CD34: variants seen among roughly 807,000 people sequenced by gnomAD.
CD34 encodes the protein CD34 molecule, also known as hematopoietic progenitor cell antigen CD34.
In CD34, 34 loss-of-function variants were observed where a neutral mutation model predicts 40.1. The ratio of observed to expected loss-of-function variants is 0.85; its 90% CI spans 0.65 to 1.13. The LOEUF (loss-of-function observed/expected upper bound fraction) is 1.13. CD34 is among the 50% of genes most tolerant of loss of function. The pLI is 0.00. For missense variants in CD34, 426 were observed against 466.9 expected, an observed-to-expected ratio of 0.91 and a Z score of 0.81; for synonymous variants, 209 against 190.0, an observed-to-expected ratio of 1.10 and a Z score of -0.82.
chr1:207,889,503 C>G lies in CD34; in HGVS notation c.716G>C (p.Arg239Thr). ...CSLLLAQSEV[R>T]PQCLLLVLAN... ...CAAGACCAGCAGTAGACACTGAGGC[C>G]TCACCTCAGACTGGGCAAGGAGCAG... Residue 239 changes from arginine (R) to threonine (T), a missense_variant, in exon 5 of 8, where the codon AGG becomes ACG. Arg to Thr is a moderately conservative substitution (Grantham distance 71). Coordinates refer to ENST00000310833, the MANE Select transcript of CD34 (RefSeq NM_001025109.2). 6.2e-7 allele frequency: 1 copy of G among 1,614,030 alleles called. No homozygotes were observed. The highest frequency in any genetic ancestry group is 8.5e-7 in the Non-Finnish European group (1 of 1,179,948).
intron 4 of CD34, among the ~76,000 whole-genome samples, chr1:207,896,734 T>G (rs1397301145): frequency 6.6e-6 from 1 of 152,026 alleles, no homozygotes; most frequent in Non-Finnish European, 1.5e-5. Context: ...TAAAGCATTT[T>G]TTTTGCATTT....
At chr1:207,907,618 G>C (rs1051087740) in intron 1 of CD34, among the ~76,000 whole-genome samples, 21 of 152,268 alleles carry the variant, frequency 1.4e-4, no homozygotes, top group African/African-American at 4.6e-4. Flanking sequence ...GCATCTGAAG[G>C]GAAGTAACTC....
Position 207,897,557 on chromosome 1 carries a change from G to A in CD34, c.533C>T (p.Ser178Leu). 6.4e-7 allele frequency: 1 copy of A among 1,555,514 alleles called. No homozygotes were observed. The highest frequency in any genetic ancestry group is 1.2e-5 in the South Asian group (1 of 84,352). Residue 178 changes from serine (S) to leucine (L), a missense_variant, in exon 4 of 8, where the codon TCA becomes TTA. By Grantham distance (145) the Ser-to-Leu change is moderately radical. Coordinates refer to ENST00000310833, the MANE Select transcript of CD34 (RefSeq NM_001025109.2). The stretch of plus-strand genomic sequence containing the variant: ...AGTCAATTTCACTTCTCTGATGCCT[G>A]AACATTTGATTTCTGCCTGTATTAA... ...LSDIKAEIKC[S>L]GIREVKLTQG... is the part of the protein sequence containing the mutation.
intron 1 of CD34, 81 bp downstream of exon 1, chr1:207,910,921 G>T: frequency 7.3e-7 from 1 of 1,361,588 alleles, no homozygotes; most frequent in Non-Finnish European, 1.0e-6. Context: ...GTGAGACTCT[G>T]CTCTGCTGTT....
chr1:207,899,349 T>A, intron 2 of CD34, 123 bp from the exon 3 acceptor site: 1 of 1,030,512 alleles, frequency 9.7e-7, no homozygotes, highest in South Asian at 1.5e-5. Flanking sequence ...TAACAGTTAC[T>A]TCGTGTCCCA....
At chr1:207,889,958 T>C (rs1661998315) in intron 4 of CD34, 5 of 1,464,734 alleles carry the variant, frequency 3.4e-6, no homozygotes, top group African/African-American at 1.5e-5. Flanking sequence ...AAAATATTAA[T>C]AATGCAATAA....
intron 7 of CD34, 195 bp from the exon 8 acceptor site, chr1:207,888,118 C>T (rs1432949635): frequency 6.2e-7 from 1 of 1,613,938 alleles, no homozygotes; most frequent in South Asian, 1.1e-5. Flanking sequence ...GGTTCCAGCT[C>T]CTAGAGGAGA....
rs974953892 is a variant in CD34, at chr1:207,889,988, T to C, written c.598-367A>G. ...CAATAATAACTAAGAGAAAATATTC[T>C]GTTTCAAGATTACAGCAGTCCCCAA... On this transcript the variant is annotated intron_variant, in intron 4 of 7. Coordinates refer to ENST00000310833, the MANE Select transcript of CD34 (RefSeq NM_001025109.2). 10 of 1,432,112 alleles carry C rather than the reference T, an allele frequency of 7.0e-6. No individual in the cohort carries two copies. In the African/African-American group the frequency reaches 1.5e-4, roughly 21 times the overall value. The allele number at this position is 1,432,112 out of a possible 1,614,324, so 88.7% of individuals were successfully genotyped here.
chr1:207,905,246 C>G (rs1467687646), intron 1 of CD34, among the ~76,000 whole-genome samples: 1 of 152,236 alleles, frequency 6.6e-6, no homozygotes, highest in Non-Finnish European at 1.5e-5. Context: ...AGACATTCTC[C>G]TGCCTCAGCC....
chr1:207,893,175 C>T (rs1235722102), intron 4 of CD34, among the ~76,000 whole-genome samples: 2 of 152,192 alleles, frequency 1.3e-5, no homozygotes, highest in African/African-American at 4.8e-5. Context: ...ACTACATCAG[C>T]TCACACATGT....
Position 207,883,301 on chromosome 1 carries a change from A to C in CD34, c.*4437T>G, listed in dbSNP as rs1342845759. The C allele has an allele frequency of 6.6e-6, 1 of 152,202 alleles. No individual in the cohort carries two copies. Among genetic ancestry groups the C allele is most frequent in the African/African-American group, 2.4e-5 (1 of 41,438 alleles). 9.4% of individuals were successfully genotyped at this position (152,202 alleles called of 1,614,324 possible). ...TCAAATGTCCTTACTCATTACTATC[A>C]TCAAAATCGTATTCATTTTTACAGG... On this transcript the variant is annotated 3_prime_UTR_variant, in exon 8 of 8. Transcript: ENST00000310833.
intron 1 of CD34, among the ~76,000 whole-genome samples, chr1:207,902,461 A>G (rs59315117): frequency 6.6e-6 from 1 of 152,138 alleles, no homozygotes; most frequent in Admixed American, 6.5e-5. Context: ...TCCTGTTTAG[A>G]TGGGACCCTC....
chr1:207,900,661 T>G (rs906336230), intron 1 of CD34, among the ~76,000 whole-genome samples: 1 of 152,178 alleles, frequency 6.6e-6, no homozygotes, highest in East Asian at 1.9e-4. Context: ...CGCCTTTCCT[T>G]TTCTTCTTTT....
At chr1:207,907,127 G>C (rs1197784292) in intron 1 of CD34, among the ~76,000 whole-genome samples, 2 of 152,126 alleles carry the variant, frequency 1.3e-5, no homozygotes, top group Non-Finnish European at 2.9e-5. Context: ...TGTGTAGCCA[G>C]TATTTACTGA....
intron 1 of CD34, among the ~76,000 whole-genome samples, chr1:207,910,457 C>T (rs547595044): frequency 6.2e-4 from 95 of 152,254 alleles, no homozygotes; most frequent in African/African-American, 2.1e-3. Flanking sequence ...ACGGACTGTT[C>T]ATTCCGAACA....
chr1:207,902,756 A>T (rs1662298915), intron 1 of CD34, among the ~76,000 whole-genome samples: 1 of 152,132 alleles, frequency 6.6e-6, no homozygotes, highest in Admixed American at 6.5e-5. Context: ...AACACTTTTG[A>T]ACTTTTCCAG....
rs886472834 is a variant in CD34 at position 207,882,591 on chromosome 1, G to C, written c.*5147C>G. 2 of 152,168 alleles carry C rather than the reference G, an allele frequency of 1.3e-5. No homozygotes were observed. The highest frequency in any genetic ancestry group is 4.8e-5 in the African/African-American group (2 of 41,434). The allele number at this position is 152,168 out of a possible 1,614,324, so 9.4% of individuals were successfully genotyped here. A position where few individuals can be genotyped will look rare whatever the true frequency, so the allele number is the denominator to read the frequency against. Reference sequence around the variant, plus strand: ...ACAGCCATCATAAACATGCTTTAATGAGCAATTGCAGCATGCTTGAAACAA... The same window carrying C: ...ACAGCCATCATAAACATGCTTTAATCAGCAATTGCAGCATGCTTGAAACAA... On this transcript the variant is annotated 3_prime_UTR_variant, in exon 8 of 8. Transcript: ENST00000310833.
Position 207,899,222 on chromosome 1 carries a change from C to A in CD34, c.267G>T (p.Thr89=). ...GNEATTNITE[T]TVKFTSTSVI... ...CAGAGGTAGATGTGAATTTGACTGT[C>A]GTTTCTGGAAGAGACCAAAACATGG... The change falls in exon 3 of 8, where the codon ACG becomes ACT. Residue 89 remains threonine (T), a synonymous_variant. Transcript: ENST00000310833. 1 of 1,613,886 alleles carries A rather than the reference C, an allele frequency of 6.2e-7. No homozygotes were observed. Among genetic ancestry groups the A allele is most frequent in the South Asian group, 1.1e-5 (1 of 90,974 alleles).
intron 2 of CD34, among the ~76,000 whole-genome samples, 175 bp from the exon 3 acceptor site, chr1:207,899,401 G>A (rs558238369): frequency 2.6e-5 from 4 of 152,320 alleles, no homozygotes; most frequent in Non-Finnish European, 4.4e-5. Context: ...ACAAGAGCTA[G>A]AATCTAGAAT....
Sources: allele counts gnomAD v4.1 joint callset (sites outside exome capture counted in the v4.1 genomes callset), GRCh38; gene constraint gnomAD v4.1.1; transcripts MANE v1.5; gene names NCBI Gene and HGNC (gene_info 2026-07-23, HGNC 2026-07-21).